Variants in NDUFS1 observed in about 807,000 individuals in gnomAD.
The protein encoded by NDUFS1 is NADH:ubiquinone oxidoreductase core subunit S1, also known as NADH-ubiquinone oxidoreductase 75 kDa subunit, mitochondrial.
A neutral mutation model predicts 84.4 loss-of-function variants in NDUFS1; 61 were observed. The ratio of observed to expected loss-of-function variants is 0.72; its 90% CI spans 0.59 to 0.89. The LOEUF is 0.89. Among genes scored for constraint, NDUFS1 ranks in the 40% least tolerant of loss-of-function variants. The pLI, the probability that NDUFS1 is intolerant of heterozygous loss-of-function variation, is 0.00. For missense variants in NDUFS1, 891 were observed against 890.0 expected, an observed-to-expected ratio of 1.00 and a Z score of -0.01; for synonymous variants, 275 against 290.0, an observed-to-expected ratio of 0.95 and a Z score of 0.53.
At chr2:206,130,648 C>T (rs1691477788) in intron 14 of NDUFS1, among the ~76,000 whole-genome samples, 1 of 152,166 alleles carries the variant, frequency 6.6e-6, no homozygotes, top group African/African-American at 2.4e-5. Context: ...AGCCACCACA[C>T]CTGGCCAAAA....
chr2:206,130,466 T>G (rs560000987), intron 14 of NDUFS1, among the ~76,000 whole-genome samples: 2 of 152,326 alleles, frequency 1.3e-5, no homozygotes, highest in East Asian at 3.9e-4. Context: ...GCGATTCTCC[T>G]TCTTCAGCCT....
At chr2:206,147,917 G>C (rs1420801214) in intron 5 of NDUFS1, 83 bp from the exon 6 acceptor site, 4 of 1,285,316 alleles carry the variant, frequency 3.1e-6, no homozygotes, top group Non-Finnish European at 4.5e-6. Flanking sequence ...ATGACCTATA[G>C]ACTTTATTTT....
At chr2:206,132,240 A>G (rs1414517942) in intron 14 of NDUFS1, among the ~76,000 whole-genome samples, 3 of 152,186 alleles carry the variant, frequency 2.0e-5, no homozygotes, top group Non-Finnish European at 4.4e-5. Context: ...ATTTCTGCAC[A>G]TATCTGTCTC....
chr2:206,141,346 C>T (rs1027996117), intron 12 of NDUFS1, among the ~76,000 whole-genome samples: 3 of 150,436 alleles, frequency 2.0e-5, no homozygotes, highest in African/African-American at 7.3e-5. Context: ...AGATCGAGAC[C>T]ACGGTGAAAC....
At chr2:206,131,596 G>GT (rs1691512840) in intron 14 of NDUFS1, among the ~76,000 whole-genome samples, 1 of 152,114 alleles carries the variant, frequency 6.6e-6, no homozygotes, top group Admixed American at 6.6e-5. Flanking sequence ...GAGGTCAGGA[G>GT]TTTGAGACCA....
In NDUFS1 at chr2:206,152,401, G is replaced by T; in HGVS notation, c.153+18C>A. 1 of 1,598,382 alleles carries T rather than the reference G, an allele frequency of 6.3e-7. No homozygotes were observed. The highest frequency in any genetic ancestry group is 8.6e-7 in the Non-Finnish European group (1 of 1,165,766). ...AAAATCAGAACACACACACAAAATAGTTAGAATGTATGCCTACTTGGAGGA... is the reference window on the plus strand; with the variant it reads ...AAAATCAGAACACACACACAAAATATTTAGAATGTATGCCTACTTGGAGGA... On this transcript the variant is annotated intron_variant, in intron 3 of 18. Coordinates refer to ENST00000233190, the MANE Select transcript of NDUFS1 (RefSeq NM_005006.7).
chr2:206,152,700 CTTCTT>C (rs886797552), intron 2 of NDUFS1, among the ~76,000 whole-genome samples, 190 bp from the exon 3 acceptor site: 5 of 136,366 alleles, frequency 3.7e-5, no homozygotes, highest in Admixed American at 1.6e-4. Context: ...CTTCTTTCTT[CTTCTT>C]TTTTTTTTTT....
chr2:206,149,027 T>C lies in NDUFS1; in HGVS notation c.331A>G (p.Lys111Glu), dbSNP rs755086617. The change falls in exon 5 of 19, where the codon AAA (lysine) becomes GAA (glutamate). Residue 111 changes from lysine to glutamate, a missense_variant. Coordinates refer to ENST00000233190, the MANE Select transcript of NDUFS1 (RefSeq NM_005006.7). ...NILTNSEKSKKAREGVMEFLL... is the reference protein window; with the variant it reads ...NILTNSEKSKEAREGVMEFLL... ...TGAATAACAATAAAGTACCTGGCTTTTTTGGATTTTTCTGAGTTTGTTAGG... is the reference window on the plus strand; with the variant it reads ...TGAATAACAATAAAGTACCTGGCTTCTTTGGATTTTTCTGAGTTTGTTAGG... The C allele has an allele frequency of 6.2e-7, 1 of 1,610,274 alleles. No homozygotes were observed. Among genetic ancestry groups the C allele is most frequent in the South Asian group, 1.1e-5 (1 of 91,014 alleles).
intron 9 of NDUFS1, 117 bp from the exon 10 acceptor site, chr2:206,144,249 T>TA (rs1205119012): frequency 1.3e-6 from 1 of 748,764 alleles, no homozygotes; most frequent in African/African-American, 1.7e-5. Context: ...GTCAAATATC[T>TA]AAACACCTAG....
rs569912127 is a variant in NDUFS1 at position 206,133,317 on chromosome 2, A to C, written c.1393-212T>G. 7.9e-5 allele frequency among the ~76,000 whole-genome samples: 12 copies of C among 152,334 alleles called. No individual in the cohort carries two copies. The South Asian group carries it at 2.3e-3, about 29-fold the overall frequency. ...ATGCTACTGTGAAATATGCCTGAGT[A>C]TCAGCTAAAACACGTTTTCTAAAAG... On this transcript the variant is annotated intron_variant, in intron 13 of 18. Coordinates refer to ENST00000233190, the MANE Select transcript of NDUFS1 (RefSeq NM_005006.7).
intron 7 of NDUFS1, among the ~76,000 whole-genome samples, 188 bp from the exon 8 acceptor site, chr2:206,147,276 A>C (rs930921365): frequency 2.6e-5 from 4 of 152,230 alleles, no homozygotes; most frequent in Admixed American, 2.6e-4. Flanking sequence ...ACACAGGCAG[A>C]AACTTGTACA....
At chr2:206,139,854 T>A (rs1439976045) in intron 12 of NDUFS1, among the ~76,000 whole-genome samples, 25 of 80,742 alleles carry the variant, frequency 3.1e-4, no homozygotes, top group East Asian at 1.3e-3. Context: ...TGCTAGAAAA[T>A]AACTGGCTTG....
Position 206,142,576 on chromosome 2 carries a change from A to T in NDUFS1, c.1133+110T>A, listed in dbSNP as rs901768968. 5 of 1,363,614 alleles carry T rather than the reference A, an allele frequency of 3.7e-6. No individual in the cohort carries two copies. In the African/African-American group the frequency reaches 5.8e-5, roughly 16 times the overall value. 84.5% of individuals were successfully genotyped at this position (1,363,614 alleles called of 1,614,324 possible). On this transcript the variant is annotated intron_variant, in intron 11 of 18. Coordinates refer to ENST00000233190, the MANE Select transcript of NDUFS1 (RefSeq NM_005006.7). ...CTTCTGGTTTGATCTTGGTCTATAT[A>T]TGAAAATAAACTGGGGGATATGTTG...
chr2:206,150,681 T>C (rs1406901651), intron 3 of NDUFS1, among the ~76,000 whole-genome samples: 1 of 152,236 alleles, frequency 6.6e-6, no homozygotes, highest in African/African-American at 2.4e-5. Context: ...ATGCTGATTA[T>C]GTCCAAACCT....
rs1439129569 is a variant in NDUFS1 at position 206,119,336 on chromosome 2, G to A, written c.*4849C>T. 2.6e-5 allele frequency: 4 copies of A among 152,270 alleles called. No homozygotes were observed. The East Asian group carries it at 7.7e-4, about 29-fold the overall frequency. 9.4% of individuals were successfully genotyped at this position (152,270 alleles called of 1,614,324 possible). A position where few individuals can be genotyped will look rare whatever the true frequency, so the allele number is the denominator to read the frequency against. The stretch of plus-strand genomic sequence containing the variant: ...TTTTTATCCTCATTTTACAGATGAA[G>A]AAATACTCTTAAAGAAAATGTTAAT... On this transcript the variant is annotated 3_prime_UTR_variant, in exon 19 of 19. Transcript: ENST00000233190.
rs776915855 is a variant in NDUFS1, at chr2:206,147,570, G to C, written c.512C>G (p.Thr171Ser). 1.9e-6 allele frequency: 3 copies of C among 1,614,010 alleles called. No homozygotes were observed. The South Asian group carries it at 3.3e-5, about 18-fold the overall frequency. ...ACACTGTATACATCTTGTCATGATG[G>C]TCTTTACCAATGGCCCAATGTTCTT... is the stretch of plus-strand genomic sequence containing the variant. ...EDKNIGPLVK[T>S]IMTRCIQCTR... The change falls in exon 7 of 19, where the codon ACC becomes AGC. Residue 171 changes from threonine (T) to serine (S), a missense_variant. Coordinates refer to ENST00000233190, the MANE Select transcript of NDUFS1 (RefSeq NM_005006.7).
At chr2:206,155,393 G>C (rs903296673) in intron 1 of NDUFS1, among the ~76,000 whole-genome samples, 3 of 151,892 alleles carry the variant, frequency 2.0e-5, no homozygotes, top group Non-Finnish European at 2.9e-5. Context: ...GGGATTACAG[G>C]AGTGAGCCAC....
chr2:206,149,910 C>T lies in NDUFS1; in HGVS notation c.169G>A (p.Gly57Ser), dbSNP rs1306848411. 11 of 1,246,234 alleles carry T rather than the reference C, an allele frequency of 8.8e-6. No homozygotes were observed. The highest frequency in any genetic ancestry group is 1.3e-5 in the Non-Finnish European group (11 of 864,996). The allele number at this position is 1,246,234 out of a possible 1,614,324, so 77.2% of individuals were successfully genotyped here. A position where few individuals can be genotyped will look rare whatever the true frequency, so the allele number is the denominator to read the frequency against. ...TTVLQACEKVGMQIPRFCYHE... is the reference protein window; with the variant it reads ...TTVLQACEKVSMQIPRFCYHE... ...TAACAGAATCGAGGGATCTGCATGC[C>T]AACCTTCTCACAAGCCTAGAAGTAA... is the stretch of plus-strand genomic sequence containing the variant. The change falls in exon 4 of 19, where the codon GGC (glycine) becomes AGC (serine). Residue 57 changes from glycine (G) to serine (S), a missense_variant. Physicochemically the swap from Gly to Ser is moderately conservative, Grantham distance 56. Transcript: ENST00000233190.
rs149519425 is a variant in NDUFS1 at position 206,139,516 on chromosome 2, G to A, written c.1263-902C>T. Among the ~76,000 whole-genome samples, 29 of 152,160 alleles carry A rather than the reference G, an allele frequency of 1.9e-4. 2 individuals are homozygous for A. In the East Asian group the frequency reaches 5.6e-3, roughly 29 times the overall value. ...AAAATTTTAATTTTAGAATTAATCT[G>A]TAATTTTTATTTTGCAGTATTTACA... On this transcript the variant is annotated intron_variant, in intron 12 of 18. Transcript: ENST00000233190.
Sources: allele counts gnomAD v4.1 joint callset (sites outside exome capture counted in the v4.1 genomes callset), GRCh38; gene constraint gnomAD v4.1.1; transcripts MANE v1.5; gene names NCBI Gene and HGNC (gene_info 2026-07-23, HGNC 2026-07-21).